The following TRPM3 variants were observed in gnomAD, a reference collection of about 807,000 sequenced individuals.
TRPM3 encodes transient receptor potential cation channel subfamily M member 3.
Under a neutral mutation model 181.2 loss-of-function variants are expected in TRPM3, and 77 were observed. That is an observed-to-expected ratio of 0.42 (90% CI 0.35 to 0.51). The LOEUF is 0.51. TRPM3 is among the 20% of genes least tolerant of loss of function. TRPM3 has a pLI of 0.01. For missense variants in TRPM3, 1,759 were observed against 2,196.7 expected, an observed-to-expected ratio of 0.80 and a Z score of 3.98; for synonymous variants, 745 against 796.4, an observed-to-expected ratio of 0.94 and a Z score of 1.09.
rs576844689 is a variant in TRPM3, at chr9:71,091,193, T to C, written c.177+29985A>G. Among the ~76,000 whole-genome samples, 24 of 152,316 alleles carry C rather than the reference T, an allele frequency of 1.6e-4. No individual in the cohort carries two copies. In the South Asian group the frequency reaches 4.4e-3, roughly 28 times the overall value. ...CAAGACATTTTATTCTTTGGTATGC[T>C]GACAGCTTTTATTAACAGAAGTTGT... On this transcript the variant is annotated intron_variant, in intron 1 of 25. Transcript: ENST00000677713.
At position 70,536,822 on chromosome 9, in the gene TRPM3, T is replaced by C. The variant is rs751164788; in HGVS notation, c.4291A>G (p.Asn1431Asp). ...ELHCDIDPLD[N>D]SVNILGLGEP... ...CCCAGCCCAAGGATGTTCACGGAAT[T>C]GTCCAGAGGGTCTATATCACAGTGG... The change falls in exon 26 of 26, where the codon AAT becomes GAT. Residue 1431 changes from asparagine to aspartate, a missense_variant. Asn to Asp is a conservative substitution (Grantham distance 23). Around this residue, in one of 8 missense-constraint regions of TRPM3, gnomAD observed 612 missense variants for 590.0 expected, o/e 1.04. Transcript: ENST00000677713. 2.5e-6 allele frequency: 4 copies of C among 1,614,112 alleles called. No homozygotes were observed. Among genetic ancestry groups the C allele is most frequent in the South Asian group, 2.2e-5 (2 of 91,076 alleles).
intron 14 of TRPM3, among the ~76,000 whole-genome samples, chr9:70,622,988 G>T (rs1661616135): frequency 6.6e-6 from 1 of 151,622 alleles, no homozygotes; most frequent in Non-Finnish European, 1.5e-5. Flanking sequence ...ACAAATCCCT[G>T]TTGTTAAATT....
chr9:71,162,340 C>G (rs1317283372), intron 1 of TRPM3, among the ~76,000 whole-genome samples: 1 of 151,904 alleles, frequency 6.6e-6, no homozygotes, highest in African/African-American at 2.4e-5. Flanking sequence ...GGTCTCATAC[C>G]TACCATACAA....
At chr9:71,349,524 G>T (rs990562594) in intron 1 of TRPM3, among the ~76,000 whole-genome samples, 8 of 152,192 alleles carry the variant, frequency 5.3e-5, no homozygotes, top group African/African-American at 1.9e-4. Context: ...CTTAAATGGA[G>T]ATTGAATTTA....
At chr9:70,917,107 A>T in intron 1 of TRPM3, 1 of 1,603,018 alleles carries the variant, frequency 6.2e-7, no homozygotes, top group Non-Finnish European at 8.5e-7. Context: ...GAGAGATGTA[A>T]CACATTTCCA....
chr9:71,252,390 G>A (rs762580054), intron 1 of TRPM3, among the ~76,000 whole-genome samples: 14 of 152,040 alleles, frequency 9.2e-5, no homozygotes, highest in African/African-American at 1.4e-4. Context: ...GCCATGACAC[G>A]TTTATCAGAC....
chr9:70,796,754 A>C, intron 6 of TRPM3, among the ~76,000 whole-genome samples: 1 of 152,152 alleles, frequency 6.6e-6, no homozygotes, highest in South Asian at 2.1e-4. Context: ...TCTTTTCTCT[A>C]TTAGGTATTT....
intron 1 of TRPM3, among the ~76,000 whole-genome samples, chr9:71,383,437 T>C (rs1052794284): frequency 6.6e-6 from 1 of 152,148 alleles, no homozygotes; most frequent in African/African-American, 2.4e-5. Flanking sequence ...GAGATAACAG[T>C]AGGAGACTGA....
intron 1 of TRPM3, among the ~76,000 whole-genome samples, chr9:70,911,613 C>G (rs2096538942): frequency 6.6e-6 from 1 of 152,138 alleles, no homozygotes; most frequent in Non-Finnish European, 1.5e-5. Flanking sequence ...TATCAATGAA[C>G]ATCACCATCA....
At chr9:71,114,034 G>A (rs1203689811) in intron 1 of TRPM3, among the ~76,000 whole-genome samples, 4 of 152,176 alleles carry the variant, frequency 2.6e-5, no homozygotes, top group Non-Finnish European at 4.4e-5. Flanking sequence ...AGTACTCATT[G>A]TGTTGGATAA....
At chr9:70,777,926 C>T (rs997217935) in intron 7 of TRPM3, among the ~76,000 whole-genome samples, 5 of 151,722 alleles carry the variant, frequency 3.3e-5, no homozygotes, top group African/African-American at 9.7e-5. Context: ...AATATATATA[C>T]TTATGTATAC....
At chr9:71,425,150 T>G (rs144650195) in intron 1 of TRPM3, among the ~76,000 whole-genome samples, 117 of 152,216 alleles carry the variant, frequency 7.7e-4, no homozygotes, top group African/African-American at 2.7e-3. Flanking sequence ...ACTAAATAAA[T>G]CCACAAGGCT....
intron 7 of TRPM3, among the ~76,000 whole-genome samples, chr9:70,783,549 A>T (rs1352888293): frequency 6.6e-6 from 1 of 152,152 alleles, no homozygotes; most frequent in South Asian, 2.1e-4. Flanking sequence ...AGGAAAGGGC[A>T]TGAGGGGTTC....
intron 1 of TRPM3, among the ~76,000 whole-genome samples, chr9:71,315,924 CTA>C (rs2088544448): frequency 6.6e-6 from 1 of 152,100 alleles, no homozygotes; most frequent in African/African-American, 2.4e-5. Flanking sequence ...TTTGGTTGGG[CTA>C]TAGTTATTGT....
At chr9:71,290,621 A>C (rs936826752) in intron 1 of TRPM3, among the ~76,000 whole-genome samples, 3 of 152,118 alleles carry the variant, frequency 2.0e-5, no homozygotes, top group Non-Finnish European at 2.9e-5. Flanking sequence ...ATGGACAAGA[A>C]TAATGTATAG....
At chr9:71,179,423 T>C (rs375187474) in intron 1 of TRPM3, among the ~76,000 whole-genome samples, 2 of 152,092 alleles carry the variant, frequency 1.3e-5, no homozygotes, top group South Asian at 4.2e-4. Flanking sequence ...AGGCAGGGAG[T>C]GTCTCCTTAT....
At chr9:70,784,835 T>G (rs994533643) in intron 6 of TRPM3, among the ~76,000 whole-genome samples, 9 of 152,178 alleles carry the variant, frequency 5.9e-5, no homozygotes, top group Admixed American at 2.0e-4. Context: ...TCTGGGTCTG[T>G]CTTTGACCAT....
chr9:71,386,346 G>A (rs539033272), intron 1 of TRPM3, among the ~76,000 whole-genome samples: 1 of 152,016 alleles, frequency 6.6e-6, no homozygotes, highest in African/African-American at 2.4e-5. Flanking sequence ...CTACTTGGGA[G>A]GCTGAGACAA....
chr9:71,026,499 T>C (rs1044031076), intron 1 of TRPM3, among the ~76,000 whole-genome samples: 1 of 152,128 alleles, frequency 6.6e-6, no homozygotes, highest in East Asian at 1.9e-4. Flanking sequence ...CCACCCACAT[T>C]GTTTTCCTGG....
Sources: gnomAD v4.1 joint callset for allele counts (sites outside exome capture counted in the v4.1 genomes callset) on GRCh38, gnomAD v4.1.1 for gene constraint, gnomAD v4.1.1 regional missense constraint, MANE v1.5 for transcripts, NCBI Gene and HGNC (gene_info 2026-07-23, HGNC 2026-07-21) for gene names.